ZGPAT: variants seen among roughly 807,000 people sequenced by gnomAD.
ZGPAT encodes the protein zinc finger CCCH-type with G patch domain-containing protein.
A neutral mutation model predicts 47.9 loss-of-function variants in ZGPAT; 39 were observed. The ratio of observed to expected loss-of-function variants is 0.81; its 90% CI spans 0.63 to 1.06. The LOEUF (loss-of-function observed/expected upper bound fraction) is 1.06, where lower values mean the gene tolerates loss of function less well. Among genes scored for constraint, ZGPAT ranks in the 50% least tolerant of loss-of-function variants. ZGPAT has a pLI of 0.00. For missense variants in ZGPAT, 717 were observed against 681.4 expected, an observed-to-expected ratio of 1.05 and a Z score of -0.58; for synonymous variants, 348 against 292.9, an observed-to-expected ratio of 1.19 and a Z score of -1.92.
At chr20:63,713,526 C>G (rs966648807) in intron 2 of ZGPAT, among the ~76,000 whole-genome samples, 1 of 151,076 alleles carries the variant, frequency 6.6e-6, no homozygotes, top group Admixed American at 6.6e-5. Flanking sequence ...CCACTGTGCC[C>G]GGCTGGAGTT....
intron 2 of ZGPAT, among the ~76,000 whole-genome samples, chr20:63,723,169 A>G (rs2091806608): frequency 7.2e-6 from 1 of 139,664 alleles, no homozygotes; most frequent in Non-Finnish European, 1.5e-5. Context: ...CTCCTATGAC[A>G]CAGCTCCATC....
chr20:63,734,373 C>T, intron 4 of ZGPAT: 1 of 403,326 alleles, frequency 2.5e-6, no homozygotes, highest in Non-Finnish European at 4.5e-6. Flanking sequence ...TCTGTGAGGG[C>T]AGGTGAGGCG....
intron 2 of ZGPAT, among the ~76,000 whole-genome samples, chr20:63,722,020 A>AGG (rs2091793708): frequency 1.3e-5 from 2 of 150,962 alleles, no homozygotes; most frequent in African/African-American, 4.9e-5. Flanking sequence ...CTCGGGGAAA[A>AGG]AAAAAAAAAA....
intron 2 of ZGPAT, among the ~76,000 whole-genome samples, chr20:63,727,543 C>T (rs190924726): frequency 5.3e-5 from 8 of 152,026 alleles, no homozygotes; most frequent in Admixed American, 6.6e-5. Flanking sequence ...TAGTAGCTCA[C>T]ACCTGTAGTC....
chr20:63,719,029 G>A (rs930623371), intron 2 of ZGPAT, among the ~76,000 whole-genome samples: 1 of 147,508 alleles, frequency 6.8e-6, no homozygotes, highest in Non-Finnish European at 1.5e-5. Context: ...TCACACCACT[G>A]TACTCCAGCC....
intron 2 of ZGPAT, among the ~76,000 whole-genome samples, chr20:63,719,025 C>T (rs919366592): frequency 1.3e-5 from 2 of 149,170 alleles, no homozygotes; most frequent in South Asian, 2.1e-4. Context: ...GAGATCACAC[C>T]ACTGTACTCC....
At chr20:63,724,188 A>C (rs1487876314) in intron 2 of ZGPAT, among the ~76,000 whole-genome samples, 1 of 152,124 alleles carries the variant, frequency 6.6e-6, no homozygotes, top group Non-Finnish European at 1.5e-5. Flanking sequence ...CAACATGGTG[A>C]AACCCCGTCT....
intron 3 of ZGPAT, 88 bp from the exon 4 acceptor site, chr20:63,733,499 C>A: frequency 6.2e-7 from 1 of 1,609,310 alleles, no homozygotes; most frequent in Non-Finnish European, 8.5e-7. Flanking sequence ...TCAGCCTCTG[C>A]CCTGCCTTGC....
chr20:63,731,496 CA>C (rs1446780796), intron 2 of ZGPAT, among the ~76,000 whole-genome samples: 1 of 98,316 alleles, frequency 1.0e-5, no homozygotes, highest in Non-Finnish European at 2.3e-5. Context: ...GTAAAGTGTA[CA>C]ATTGGCCCTT....
At chr20:63,710,271 G>A (rs796719815) in intron 2 of ZGPAT, among the ~76,000 whole-genome samples, 25 of 151,724 alleles carry the variant, frequency 1.6e-4, no homozygotes, top group African/African-American at 5.8e-4. Context: ...CTCTACCTCA[G>A]CGTCCAGAGT....
chr20:63,724,436 C>T (rs1489129736), intron 2 of ZGPAT, among the ~76,000 whole-genome samples: 1 of 151,414 alleles, frequency 6.6e-6, no homozygotes, highest in Admixed American at 6.6e-5. Context: ...AATCCCAAAG[C>T]CTTGGGAGGC....
chr20:63,713,953 G>A (rs779967450), intron 2 of ZGPAT, among the ~76,000 whole-genome samples: 1 of 151,476 alleles, frequency 6.6e-6, no homozygotes, highest in African/African-American at 2.4e-5. Context: ...AGTGCTAATA[G>A]GATTTTTTAT....
Position 63,736,040 on chromosome 20 carries a change from G to C in ZGPAT, c.*121G>C. On this transcript the variant is annotated 3_prime_UTR_variant, in exon 7 of 7. Transcript: ENST00000355969. ...TGGGGCGTGCAGACACTGCTGAGTG[G>C]AGACAGAGCTGCGGGGTCCCATCTG... 7.1e-7 allele frequency: 1 copy of C among 1,406,536 alleles called. No homozygotes were observed. The highest frequency in any genetic ancestry group is 9.6e-7 in the Non-Finnish European group (1 of 1,046,560). The allele number at this position is 1,406,536 out of a possible 1,614,324, so 87.1% of individuals were successfully genotyped here.
rs554281389 is a variant in ZGPAT at position 63,722,718 on chromosome 20, C to T, written c.585-10501C>T. Among the ~76,000 whole-genome samples the T allele has an allele frequency of 9.3e-5, 14 of 151,050 alleles. 1 individual carries two copies. In the Middle Eastern group the frequency reaches 0.01, roughly 110 times the overall value. On this transcript the variant is annotated intron_variant, in intron 2 of 6. Coordinates refer to ENST00000355969, the MANE Select transcript of ZGPAT (RefSeq NM_181485.3). Reference sequence around the variant, plus strand: ...TGTGATCTCGGCTCACTGCAACCTCCGCCTCCCAGGTTCACGCCATTCTCC... The same window carrying T: ...TGTGATCTCGGCTCACTGCAACCTCTGCCTCCCAGGTTCACGCCATTCTCC...
chr20:63,713,775 G>A (rs1371628475), intron 2 of ZGPAT, among the ~76,000 whole-genome samples: 1 of 151,220 alleles, frequency 6.6e-6, no homozygotes, highest in Non-Finnish European at 1.5e-5. Flanking sequence ...GGAGGCTGAG[G>A]CAAGAGAATT....
chr20:63,716,552 C>T (rs1272357075), intron 2 of ZGPAT, among the ~76,000 whole-genome samples: 9 of 150,692 alleles, frequency 6.0e-5, no homozygotes, highest in African/African-American at 2.0e-4. Context: ...CTCACTGTGT[C>T]ACCCAGGCTG....
chr20:63,735,830 C>G lies in ZGPAT; in HGVS notation c.1447C>G (p.Arg483Gly). The G allele has an allele frequency of 1.2e-6, 2 of 1,612,082 alleles. No individual in the cohort carries two copies. Among genetic ancestry groups the G allele is most frequent in the East Asian group, 2.2e-5 (1 of 44,864 alleles). The change falls in exon 7 of 7, where the codon CGC (arginine) becomes GGC (glycine). Residue 483 changes from arginine (R) to glycine (G), a missense_variant. Transcript: ENST00000355969. ...QLQEKLAGAQRQLGQLRAQEA... is the reference protein window; with the variant it reads ...QLQEKLAGAQGQLGQLRAQEA... ...GCAGGAGAAGCTGGCAGGAGCCCAG[C>G]GCCAGCTGGGGCAGCTCCGGGCTCA...
chr20:63,730,950 CTCTCTCTCTCTCTCTCTCTCTGTG>C lies in ZGPAT; in HGVS notation c.585-2267_585-2244del, dbSNP rs1171090612. On this transcript the variant is annotated intron_variant, in intron 2 of 6. Coordinates refer to ENST00000355969, the MANE Select transcript of ZGPAT (RefSeq NM_181485.3). Reference sequence around the variant, plus strand: ...TCTCTCTCTCTCTCTCTCTCTCTCTCTCTCTCTCTCTCTCTCTCTCTGTGTGTGTGTGTGTGTGTGTCTCGGTTT... The same window carrying C: ...TCTCTCTCTCTCTCTCTCTCTCTCTCTGTGTGTGTGTGTGTGTCTCGGTTT... Among the ~76,000 whole-genome samples the C allele has an allele frequency of 4.8e-3, 714 of 147,622 alleles. 6 individuals are homozygous for C. Among genetic ancestry groups the C allele is most frequent in the African/African-American group, 0.018 (667 of 37,668 alleles).
At position 63,733,682 on chromosome 20, in the gene ZGPAT, G is replaced by A; in HGVS notation, c.814G>A (p.Glu272Lys). 1 of 1,613,918 alleles carries A rather than the reference G, an allele frequency of 6.2e-7. No individual in the cohort carries two copies. Among genetic ancestry groups the A allele is most frequent in the Non-Finnish European group, 8.5e-7 (1 of 1,179,998 alleles). The part of the protein sequence containing the change: ...GDGILPPLRT[E>K]ATESDSDSDG... ...CGGCATCCTGCCCCCACTGCGCACA[G>A]AGGCCACAGAGTCCGACTCAGACAG... Residue 272 changes from glutamate (E) to lysine (K), a missense_variant, in exon 4 of 7, where the codon GAG becomes AAG. Coordinates refer to ENST00000355969, the MANE Select transcript of ZGPAT (RefSeq NM_181485.3).
Sources: allele counts gnomAD v4.1 joint callset (sites outside exome capture counted in the v4.1 genomes callset), GRCh38; gene constraint gnomAD v4.1.1; transcripts MANE v1.5; gene names NCBI Gene and HGNC (gene_info 2026-07-23, HGNC 2026-07-21).